Variants in CSMD1 observed in about 807,000 individuals in gnomAD.
CSMD1 encodes the protein CUB and Sushi multiple domains 1.
In CSMD1, 213 loss-of-function variants were observed where a neutral mutation model predicts 417.5. That is an observed-to-expected ratio of 0.51 (90% CI 0.46 to 0.57). CSMD1 has a LOEUF of 0.57. Ranked by LOEUF, CSMD1 falls within the 20% of genes least tolerant of loss-of-function variation. The pLI is 0.00. For missense variants in CSMD1, 6,923 were observed against 4,529.7 expected, an observed-to-expected ratio of 1.53 and a Z score of -15.17; for synonymous variants, 2,862 against 1,736.8, an observed-to-expected ratio of 1.65 and a Z score of -16.11.
rs1043701714 is a variant in CSMD1, at chr8:3,643,117, G to C, written c.1010-26320C>G. Among the ~76,000 whole-genome samples, 8 of 151,832 alleles carry C rather than the reference G, an allele frequency of 5.3e-5. No homozygotes were observed. In the East Asian group the frequency reaches 9.7e-4, roughly 18 times the overall value. ...CATGCAGCTTGTCAGGATTTCAAAA[G>C]ACAATTTAACAGTCAGGGAAAAACC... On this transcript the variant is annotated intron_variant, in intron 7 of 69. Transcript: ENST00000635120.
chr8:3,143,872 G>C (rs1289894892), intron 40 of CSMD1, among the ~76,000 whole-genome samples: 1 of 152,086 alleles, frequency 6.6e-6, no homozygotes, highest in Non-Finnish European at 1.5e-5. Context: ...CATCCACTCA[G>C]GTGTCAAAGG....
intron 1 of CSMD1, among the ~76,000 whole-genome samples, chr8:4,917,033 T>G (rs1224931966): frequency 6.6e-6 from 1 of 152,114 alleles, no homozygotes; most frequent in Non-Finnish European, 1.5e-5. Flanking sequence ...ACTGGGTAAT[T>G]TTTGAAGAAG....
chr8:4,677,943 A>G (rs886125436), intron 1 of CSMD1, among the ~76,000 whole-genome samples: 12 of 152,156 alleles, frequency 7.9e-5, no homozygotes, highest in East Asian at 7.7e-4. Flanking sequence ...ATAAAACACT[A>G]GAAAAAAAAT....
intron 11 of CSMD1, among the ~76,000 whole-genome samples, chr8:3,479,357 C>T (rs1180518091): frequency 2.0e-5 from 3 of 152,036 alleles, no homozygotes; most frequent in Non-Finnish European, 2.9e-5. Flanking sequence ...CTTGGCTCAC[C>T]GCAACCTCCG....
At chr8:3,989,477 A>C (rs2130267501) in intron 5 of CSMD1, among the ~76,000 whole-genome samples, 1 of 152,306 alleles carries the variant, frequency 6.6e-6, no homozygotes, top group Non-Finnish European at 1.5e-5. Context: ...CACAGACAAA[A>C]AACCTGGATT....
At chr8:4,622,905 T>C (rs1801864523) in intron 2 of CSMD1, among the ~76,000 whole-genome samples, 1 of 152,132 alleles carries the variant, frequency 6.6e-6, no homozygotes, top group African/African-American at 2.4e-5. Context: ...TAATTGAATT[T>C]AGGAAGGTCA....
At chr8:4,630,342 A>C (rs561959327) in intron 2 of CSMD1, among the ~76,000 whole-genome samples, 3 of 151,972 alleles carry the variant, frequency 2.0e-5, no homozygotes, top group Non-Finnish European at 4.4e-5. Flanking sequence ...GCATAATAAT[A>C]TCACTTAGGG....
intron 5 of CSMD1, among the ~76,000 whole-genome samples, chr8:3,903,039 G>T (rs1022123398): frequency 6.6e-6 from 1 of 152,072 alleles, no homozygotes; most frequent in Non-Finnish European, 1.5e-5. Context: ...TTAAAGTAGC[G>T]TGTAGCTGAC....
intron 2 of CSMD1, among the ~76,000 whole-genome samples, chr8:4,536,131 C>T (rs1797090992): frequency 6.6e-6 from 1 of 152,072 alleles, no homozygotes; most frequent in Non-Finnish European, 1.5e-5. Context: ...GACAAGGTTC[C>T]TTTCTGTATA....
intron 1 of CSMD1, among the ~76,000 whole-genome samples, chr8:4,919,032 G>A (rs1010676534): frequency 2.0e-5 from 3 of 152,164 alleles, no homozygotes; most frequent in Admixed American, 1.3e-4. Context: ...TAGGTGCAGG[G>A]ACGAATGTAA....
chr8:4,880,971 C>T (rs749825660), intron 1 of CSMD1, among the ~76,000 whole-genome samples: 3 of 152,108 alleles, frequency 2.0e-5, no homozygotes, highest in Non-Finnish European at 4.4e-5. Flanking sequence ...CATGTTCTCA[C>T]TATTTCTGAA....
intron 40 of CSMD1, among the ~76,000 whole-genome samples, chr8:3,149,967 C>G (rs1380329073): frequency 6.6e-6 from 1 of 152,130 alleles, no homozygotes; most frequent in East Asian, 1.9e-4. Flanking sequence ...GTAAACTATC[C>G]CGGGTTACAC....
chr8:3,356,694 C>CA (rs138260617), intron 21 of CSMD1, among the ~76,000 whole-genome samples: 13,378 of 147,744 alleles, frequency 0.091, 793 homozygotes, highest in Middle Eastern at 0.15. Flanking sequence ...ACAACAACAA[C>CA]AAAAAAACGT....
At chr8:4,012,199 G>A (rs924521152) in intron 4 of CSMD1, among the ~76,000 whole-genome samples, 1 of 152,052 alleles carries the variant, frequency 6.6e-6, no homozygotes, top group African/African-American at 2.4e-5. Context: ...GACTGTATAT[G>A]ATTCTATGCC....
At chr8:4,168,152 C>T (rs145247508) in intron 3 of CSMD1, among the ~76,000 whole-genome samples, 129,121 of 146,810 alleles carry the variant, frequency 0.88, 57,097 homozygotes, top group Non-Finnish European at 0.95. Context: ...AATATACACA[C>T]ACACACACAC....
chr8:3,716,228 T>G (rs555605803), intron 6 of CSMD1, among the ~76,000 whole-genome samples: 2 of 152,222 alleles, frequency 1.3e-5, no homozygotes, highest in South Asian at 2.1e-4. Flanking sequence ...GGCTGGAAAG[T>G]GGTCCTGATC....
chr8:4,562,697 G>A (rs1308963463), intron 2 of CSMD1, among the ~76,000 whole-genome samples: 4 of 152,092 alleles, frequency 2.6e-5, no homozygotes, highest in Admixed American at 6.6e-5. Context: ...TTCAGGCCCA[G>A]AACACCATCA....
chr8:4,808,515 G>C (rs1430530103), intron 1 of CSMD1, among the ~76,000 whole-genome samples: 1 of 152,202 alleles, frequency 6.6e-6, no homozygotes, highest in East Asian at 1.9e-4. Context: ...ACATCCTCTT[G>C]GATCCCTTGT....
At chr8:4,662,540 T>C (rs1299092834) in intron 1 of CSMD1, among the ~76,000 whole-genome samples, 2 of 152,232 alleles carry the variant, frequency 1.3e-5, no homozygotes, top group Admixed American at 6.5e-5. Context: ...GCACTTTCGC[T>C]CGTCTCCCTG....
Sources: gnomAD v4.1 joint callset for allele counts (sites outside exome capture counted in the v4.1 genomes callset) on GRCh38, gnomAD v4.1.1 for gene constraint, MANE v1.5 for transcripts, NCBI Gene and HGNC (gene_info 2026-07-23, HGNC 2026-07-21) for gene names.